The following SPIDR variants were observed in gnomAD, a reference collection of about 807,000 sequenced individuals.
SPIDR encodes scaffold protein involved in DNA repair, also known as DNA repair-scaffolding protein.
A neutral mutation model predicts 104.6 loss-of-function variants in SPIDR; 93 were observed. That is an observed-to-expected ratio of 0.89 (90% CI 0.75 to 1.06). The LOEUF is 1.06. Among genes scored for constraint, SPIDR ranks in the 50% least tolerant of loss-of-function variants. The pLI, the probability that SPIDR is intolerant of heterozygous loss-of-function variation, is 0.00. For missense variants in SPIDR, 1,154 were observed against 1,111.2 expected (o/e 1.04, Z -0.55); for synonymous variants, 431 against 416.9 (o/e 1.03, Z -0.41).
intron 17 of SPIDR, 95 bp downstream of exon 17, chr8:47,727,388 C>A: frequency 1.8e-6 from 2 of 1,107,142 alleles, no homozygotes; most frequent in Admixed American, 2.0e-5. Flanking sequence ...TCAGGTGACT[C>A]CCTCGAGAGC....
chr8:47,291,072 T>A lies in SPIDR; in HGVS notation c.296T>A (p.Ile99Lys). The part of the protein sequence containing the change: ...TSKSTSGLTD[I>K]TWSSSGSDLS... Reference sequence around the variant, plus strand: ...AAAAGCACCAGTGGGCTTACAGACATAACATGGAGCTCCAGTGGAAGTGAT... The same window carrying A: ...AAAAGCACCAGTGGGCTTACAGACAAAACATGGAGCTCCAGTGGAAGTGAT... The change falls in exon 4 of 20, where the codon ATA (isoleucine) becomes AAA (lysine). Residue 99 changes from isoleucine to lysine, a missense_variant. Ile to Lys is a moderately radical substitution (Grantham distance 102). Transcript: ENST00000297423. The A allele has an allele frequency of 1.2e-5, 19 of 1,613,370 alleles. No individual in the cohort carries two copies. The highest frequency in any genetic ancestry group is 1.2e-5 in the Non-Finnish European group (14 of 1,179,578).
At chr8:47,484,122 T>C (rs1554729082) in intron 8 of SPIDR, among the ~76,000 whole-genome samples, 1 of 152,230 alleles carries the variant, frequency 6.6e-6, no homozygotes, top group Non-Finnish European at 1.5e-5. Flanking sequence ...CAAGCGAAGA[T>C]AGACCAAGTG....
At chr8:47,614,315 G>A (rs934284244) in intron 10 of SPIDR, among the ~76,000 whole-genome samples, 2 of 152,038 alleles carry the variant, frequency 1.3e-5, no homozygotes, top group Admixed American at 1.3e-4. Flanking sequence ...TCTGCCTCCT[G>A]GGTTCAAGCA....
In SPIDR at chr8:47,291,059, G is replaced by A. The variant is rs1468870964; in HGVS notation, c.283G>A (p.Gly95Arg). The change falls in exon 4 of 20, where the codon GGG (glycine) becomes AGG (arginine). Residue 95 changes from glycine (G) to arginine (R), a missense_variant. Physicochemically the swap from Gly to Arg is moderately radical, Grantham distance 125 (BLOSUM62 -2). Transcript: ENST00000297423. ...AACCACCACATCTAAAAGCACCAGT[G>A]GGCTTACAGACATAACATGGAGCTC... ...QETTTSKSTS[G>R]LTDITWSSSG... is the part of the protein sequence containing the mutation. 1.8e-5 allele frequency: 29 copies of A among 1,611,776 alleles called. No homozygotes were observed. The highest frequency in any genetic ancestry group is 2.3e-5 in the Non-Finnish European group (27 of 1,178,652).
chr8:47,510,971 A>G lies in SPIDR; in HGVS notation c.1097+70429A>G, dbSNP rs555572722. On this transcript the variant is annotated intron_variant, in intron 8 of 19. Transcript: ENST00000297423. ...CAAGGGGGCAGGAGGGATGATCCCC[A>G]TGGGGCATGGCCACTGGCTGTGAGA... 4.9e-5 allele frequency: 32 copies of G among 649,944 alleles called. No homozygotes were observed. The African/African-American group carries it at 5.5e-4, about 11-fold the overall frequency. The allele number at this position is 649,944 out of a possible 1,614,324, so 40.3% of individuals were successfully genotyped here.
intron 10 of SPIDR, among the ~76,000 whole-genome samples, chr8:47,604,685 C>T (rs2154428182): frequency 6.6e-6 from 1 of 152,140 alleles, no homozygotes; most frequent in East Asian, 1.9e-4. Flanking sequence ...GAGTGAGCCT[C>T]AGCTTGAGTT....
intron 8 of SPIDR, among the ~76,000 whole-genome samples, chr8:47,507,589 A>G (rs181298492): frequency 3.9e-5 from 6 of 152,362 alleles, no homozygotes; most frequent in East Asian, 3.9e-4. Flanking sequence ...CATCAGTAAT[A>G]TAAGCTTCTT....
At chr8:47,367,383 C>T (rs551286697) in intron 5 of SPIDR, among the ~76,000 whole-genome samples, 1 of 152,282 alleles carries the variant, frequency 6.6e-6, no homozygotes, top group South Asian at 2.1e-4. Context: ...GCTCCACCAC[C>T]ACCTTGATTT....
In SPIDR at chr8:47,470,681, T is replaced by A. The variant is rs373303240; in HGVS notation, c.1097+30139T>A. On this transcript the variant is annotated intron_variant, in intron 8 of 19. Coordinates refer to ENST00000297423, the MANE Select transcript of SPIDR (RefSeq NM_001080394.4). ...AAATCCCTGTGCAAATTAATGACAT[T>A]GAGCCCTTGTTTTACACCATATACA... Among the ~76,000 whole-genome samples, 63 of 152,340 alleles carry A rather than the reference T, an allele frequency of 4.1e-4. 1 individual carries two copies. The East Asian group carries it at 8.7e-3, about 21-fold the overall frequency.
intron 8 of SPIDR, among the ~76,000 whole-genome samples, chr8:47,545,879 T>C (rs984437840): frequency 1.6e-4 from 24 of 152,196 alleles, no homozygotes; most frequent in Admixed American, 1.6e-3. Flanking sequence ...TCTGTACTGA[T>C]TTATGTGATC....
intron 8 of SPIDR, among the ~76,000 whole-genome samples, chr8:47,591,425 CCTAT>C (rs1315609719): frequency 1.4e-5 from 2 of 143,958 alleles, no homozygotes; most frequent in Non-Finnish European, 3.0e-5. Context: ...CCTTTCCCTC[CCTAT>C]TTATTTATTT....
intron 10 of SPIDR, among the ~76,000 whole-genome samples, chr8:47,626,539 C>T (rs2066145804): frequency 6.6e-6 from 1 of 151,992 alleles, no homozygotes. Context: ...AACAAATTTA[C>T]AAGAAAAAAA....
At chr8:47,492,425 A>G (rs1229763146) in intron 8 of SPIDR, among the ~76,000 whole-genome samples, 1 of 152,222 alleles carries the variant, frequency 6.6e-6, no homozygotes, top group Non-Finnish European at 1.5e-5. Flanking sequence ...ACCATGGTGC[A>G]TTTTAGCCCT....
chr8:47,436,106 C>T (rs2068263106), intron 7 of SPIDR, among the ~76,000 whole-genome samples: 1 of 152,154 alleles, frequency 6.6e-6, no homozygotes, highest in South Asian at 2.1e-4. Flanking sequence ...GCCATCCTTG[C>T]ATGGCCAGGC....
chr8:47,455,428 A>AC, intron 8 of SPIDR, among the ~76,000 whole-genome samples: 1 of 152,240 alleles, frequency 6.6e-6, no homozygotes, highest in Non-Finnish European at 1.5e-5. Context: ...CACAAAAAAA[A>AC]CAGAAAAATA....
At chr8:47,404,369 G>C (rs1425353695) in intron 6 of SPIDR, among the ~76,000 whole-genome samples, 2 of 152,184 alleles carry the variant, frequency 1.3e-5, no homozygotes, top group Non-Finnish European at 2.9e-5. Flanking sequence ...TTAAACTAAA[G>C]AGCTTCTGCA....
intron 8 of SPIDR, among the ~76,000 whole-genome samples, chr8:47,504,942 T>C (rs1372362861): frequency 6.6e-6 from 1 of 152,002 alleles, no homozygotes; most frequent in Non-Finnish European, 1.5e-5. Flanking sequence ...CGCTGCAGAG[T>C]GGCTGATATT....
intron 10 of SPIDR, among the ~76,000 whole-genome samples, chr8:47,650,833 A>G (rs1006538114): frequency 6.6e-6 from 1 of 151,234 alleles, no homozygotes; most frequent in Non-Finnish European, 1.5e-5. Context: ...AACAAAGCAT[A>G]TAAAAACATA....
At chr8:47,659,789 T>C (rs1278096325) in intron 10 of SPIDR, 104 of 907,240 alleles carry the variant, frequency 1.1e-4, no homozygotes, top group Non-Finnish European at 1.3e-4. Context: ...GGTTGAAGCT[T>C]CGTAAGAGAT....
Sources: allele counts gnomAD v4.1 joint callset (sites outside exome capture counted in the v4.1 genomes callset), GRCh38; gene constraint gnomAD v4.1.1; transcripts MANE v1.5; gene names NCBI Gene and HGNC (gene_info 2026-07-23, HGNC 2026-07-21).